SDC2: variants seen among roughly 807,000 people sequenced by gnomAD.
SDC2 encodes the protein syndecan-2.
In SDC2, 13 loss-of-function variants were observed where a neutral mutation model predicts 22.2. That is an observed-to-expected ratio of 0.59 (90% CI 0.38 to 0.93). The LOEUF is 0.93. Ranked by LOEUF, SDC2 falls within the 40% of genes least tolerant of loss-of-function variation. SDC2 has a pLI of 0.00. For missense variants in SDC2, 235 were observed against 246.8 expected (o/e 0.95, Z 0.32); for synonymous variants, 94 against 92.8 (o/e 1.01, Z -0.07).
chr8:96,512,583 C>G (rs1813344745), intron 1 of SDC2, among the ~76,000 whole-genome samples: 1 of 151,978 alleles, frequency 6.6e-6, no homozygotes, highest in Non-Finnish European at 1.5e-5. Flanking sequence ...CATTTAGACC[C>G]AGACAAGAAA....
At chr8:96,541,593 A>G (rs1033915888) in intron 1 of SDC2, among the ~76,000 whole-genome samples, 6 of 152,086 alleles carry the variant, frequency 3.9e-5, no homozygotes, top group Non-Finnish European at 8.8e-5. Context: ...CCAGCCAGAA[A>G]CAGAAAGACA....
chr8:96,519,824 G>C (rs1813467179), intron 1 of SDC2, among the ~76,000 whole-genome samples: 1 of 152,070 alleles, frequency 6.6e-6, no homozygotes, highest in African/African-American at 2.4e-5. Context: ...AGTAGAGACA[G>C]GGTTTGTTGG....
intron 2 of SDC2, among the ~76,000 whole-genome samples, chr8:96,597,015 G>A (rs1237516678): frequency 6.6e-6 from 1 of 152,098 alleles, no homozygotes; most frequent in African/African-American, 2.4e-5. Context: ...TAGATCCCCT[G>A]GTTCCTTTCC....
chr8:96,496,735 C>A (rs1017202796), intron 1 of SDC2, among the ~76,000 whole-genome samples: 1 of 152,130 alleles, frequency 6.6e-6, no homozygotes, highest in Non-Finnish European at 1.5e-5. Flanking sequence ...AAACTGCCTA[C>A]AGTTAGTGAA....
intron 1 of SDC2, among the ~76,000 whole-genome samples, chr8:96,521,332 T>C (rs1353048559): frequency 1.3e-5 from 2 of 152,218 alleles, no homozygotes; most frequent in Admixed American, 6.5e-5. Flanking sequence ...AATAGATCAT[T>C]CCAGTAGCTA....
intron 1 of SDC2, among the ~76,000 whole-genome samples, chr8:96,551,148 T>G (rs1814018509): frequency 6.6e-6 from 1 of 152,138 alleles, no homozygotes. Flanking sequence ...GAGGATTTCT[T>G]TGACCCACAC....
At chr8:96,608,833 T>C (rs1024779321) in intron 4 of SDC2, among the ~76,000 whole-genome samples, 4 of 152,148 alleles carry the variant, frequency 2.6e-5, no homozygotes, top group Non-Finnish European at 2.9e-5. Flanking sequence ...AAAAGTTCTT[T>C]AGGGGAAGGC....
chr8:96,503,439 G>T (rs1049624484), intron 1 of SDC2, among the ~76,000 whole-genome samples: 15 of 152,274 alleles, frequency 9.9e-5, no homozygotes, highest in Non-Finnish European at 1.8e-4. Context: ...TATGTATAGT[G>T]AGACCTTGGT....
intron 1 of SDC2, among the ~76,000 whole-genome samples, chr8:96,592,418 A>G (rs767075389): frequency 5.9e-5 from 9 of 152,218 alleles, no homozygotes; most frequent in African/African-American, 1.4e-4. Context: ...TTAAGAGCAA[A>G]CATTCTATAT....
At chr8:96,550,927 G>T (rs1185188746) in intron 1 of SDC2, among the ~76,000 whole-genome samples, 1 of 152,076 alleles carries the variant, frequency 6.6e-6, no homozygotes, top group African/African-American at 2.4e-5. Context: ...TCAGCTGTGG[G>T]TTCCTTCCTG....
chr8:96,597,010 C>T (rs1017655251), intron 2 of SDC2, among the ~76,000 whole-genome samples: 1 of 152,102 alleles, frequency 6.6e-6, no homozygotes, highest in Admixed American at 6.6e-5. Flanking sequence ...AGAAATAGAT[C>T]CCCTGGTTCC....
At chr8:96,551,221 A>C (rs1814019891) in intron 1 of SDC2, among the ~76,000 whole-genome samples, 1 of 152,184 alleles carries the variant, frequency 6.6e-6, no homozygotes, top group East Asian at 1.9e-4. Context: ...GGGTTGCATC[A>C]CATTCCTCCT....
At chr8:96,516,654 G>C (rs929972857) in intron 1 of SDC2, among the ~76,000 whole-genome samples, 4 of 152,138 alleles carry the variant, frequency 2.6e-5, no homozygotes, top group African/African-American at 9.7e-5. Flanking sequence ...GCCTATTGTG[G>C]ACATTTTATG....
intron 1 of SDC2, among the ~76,000 whole-genome samples, chr8:96,527,477 C>G (rs1005472910): frequency 3.2e-4 from 49 of 152,158 alleles, no homozygotes; most frequent in African/African-American, 1.2e-3. Flanking sequence ...TGTTATTCTC[C>G]TACTTACATG....
intron 1 of SDC2, among the ~76,000 whole-genome samples, chr8:96,560,844 G>T (rs1027589933): frequency 6.6e-6 from 1 of 152,158 alleles, no homozygotes; most frequent in African/African-American, 2.4e-5. Flanking sequence ...GATGGCTCAC[G>T]CTTGTAATCC....
intron 1 of SDC2, among the ~76,000 whole-genome samples, chr8:96,546,975 A>G (rs1220480933): frequency 1.3e-5 from 2 of 152,206 alleles, no homozygotes; most frequent in Non-Finnish European, 2.9e-5. Flanking sequence ...CTGTCTGCTG[A>G]TGGTAACTCT....
intron 1 of SDC2, among the ~76,000 whole-genome samples, chr8:96,561,539 T>C (rs1054557798): frequency 6.6e-6 from 1 of 152,254 alleles, no homozygotes; most frequent in Non-Finnish European, 1.5e-5. Context: ...ATTCTCCAGA[T>C]GGCTATTACT....
intron 1 of SDC2, among the ~76,000 whole-genome samples, chr8:96,550,383 A>G (rs1814007786): frequency 6.6e-6 from 1 of 152,232 alleles, no homozygotes; most frequent in Non-Finnish European, 1.5e-5. Context: ...GTGAAAAAAT[A>G]TGAAATCCAA....
chr8:96,590,578 A>G (rs1170047446), intron 1 of SDC2, among the ~76,000 whole-genome samples: 2 of 152,176 alleles, frequency 1.3e-5, no homozygotes, highest in Non-Finnish European at 2.9e-5. Flanking sequence ...GAAACCTTTC[A>G]GAACAGAGTG....
Sources: gnomAD v4.1 joint callset for allele counts (sites outside exome capture counted in the v4.1 genomes callset) on GRCh38, gnomAD v4.1.1 for gene constraint, MANE v1.5 for transcripts, NCBI Gene and HGNC (gene_info 2026-07-23, HGNC 2026-07-21) for gene names.